CERS6: variants seen among roughly 807,000 people sequenced by gnomAD.
CERS6 encodes the protein LAG1 homolog, ceramide synthase 6.
Under a neutral mutation model 56.8 loss-of-function variants are expected in CERS6, and 26 were observed. The ratio of observed to expected loss-of-function variants is 0.46; its 90% CI spans 0.34 to 0.63. The LOEUF (loss-of-function observed/expected upper bound fraction) is 0.63, where lower values mean the gene tolerates loss of function less well. Among genes scored for constraint, CERS6 ranks in the 30% least tolerant of loss-of-function variants. CERS6 has a pLI of 0.01. For synonymous variants in CERS6, 164 were observed against 173.3 expected (o/e 0.95, Z 0.42); for missense variants, 415 against 467.5 (o/e 0.89, Z 1.04).
intron 3 of CERS6, among the ~76,000 whole-genome samples, chr2:168,624,664 C>A (rs1457493189): frequency 1.3e-5 from 2 of 152,130 alleles, no homozygotes; most frequent in Admixed American, 1.3e-4. Context: ...AAGATGACTA[C>A]TTCTATCAAA....
chr2:168,769,640 G>A lies in CERS6; in HGVS notation c.1133G>A (p.Gly378Asp). Residue 378 changes from glycine (G) to aspartate (D), a missense_variant, in exon 10 of 10, where the codon GGC (glycine) becomes GAC (aspartate). By Grantham distance (94) the Gly-to-Asp change is moderately conservative. Coordinates refer to ENST00000305747, the MANE Select transcript of CERS6 (RefSeq NM_203463.3). The stretch of plus-strand genomic sequence containing the variant: ...GGTACCAACGGGTATCTCCTGACTG[G>A]CTCCTGCTCCATGGATGATTAATTA... ...TSGTNGYLLT[G>D]SCSMDD 6.2e-7 allele frequency: 1 copy of A among 1,610,248 alleles called. No homozygotes were observed. The highest frequency in any genetic ancestry group is 8.5e-7 in the Non-Finnish European group (1 of 1,178,800).
chr2:168,548,343 A>T (rs141902105), intron 2 of CERS6, among the ~76,000 whole-genome samples: 2 of 152,100 alleles, frequency 1.3e-5, no homozygotes, highest in African/African-American at 2.4e-5. Flanking sequence ...GGTAGAAGAG[A>T]CCACGTCTCC....
chr2:168,624,675 C>T (rs1355582862), intron 3 of CERS6, among the ~76,000 whole-genome samples: 1 of 152,126 alleles, frequency 6.6e-6, no homozygotes, highest in African/African-American at 2.4e-5. Flanking sequence ...TTCTATCAAA[C>T]TTGAATCCAC....
intron 4 of CERS6, among the ~76,000 whole-genome samples, chr2:168,648,488 G>C (rs1685259299): frequency 1.3e-5 from 2 of 152,000 alleles, no homozygotes; most frequent in Admixed American, 1.3e-4. Flanking sequence ...TGGATTTGTT[G>C]ATCTTTTGAA....
intron 3 of CERS6, among the ~76,000 whole-genome samples, chr2:168,618,475 G>A (rs1390019744): frequency 6.6e-6 from 1 of 152,046 alleles, no homozygotes; most frequent in African/African-American, 2.4e-5. Flanking sequence ...TATATACCTG[G>A]AAAACCCTAA....
At chr2:168,650,803 C>T (rs1479876378) in intron 4 of CERS6, among the ~76,000 whole-genome samples, 1 of 152,090 alleles carries the variant, frequency 6.6e-6, no homozygotes, top group Non-Finnish European at 1.5e-5. Context: ...TTTGAATATG[C>T]ATTTTGTTTT....
Position 168,698,666 on chromosome 2 carries a change from C to A in CERS6, c.609+3615C>A, listed in dbSNP as rs1454149869. Among the ~76,000 whole-genome samples, 3 of 152,148 alleles carry A rather than the reference C, an allele frequency of 2.0e-5. No homozygotes were observed. The East Asian group carries it at 5.8e-4, about 29-fold the overall frequency. On this transcript the variant is annotated intron_variant, in intron 6 of 9. Transcript: ENST00000305747. The stretch of plus-strand genomic sequence containing the variant: ...GAGGGGACACAGATCCAAACCATAT[C>A]AATTGCTTTAAGCCAAATGACTGTT...
intron 3 of CERS6, among the ~76,000 whole-genome samples, chr2:168,570,967 A>G (rs1047689829): frequency 1.3e-5 from 2 of 152,112 alleles, no homozygotes; most frequent in Non-Finnish European, 2.9e-5. Context: ...CGCATTGGTA[A>G]AGTTATTTAA....
At chr2:168,610,633 A>T (rs932175099) in intron 3 of CERS6, among the ~76,000 whole-genome samples, 2 of 152,180 alleles carry the variant, frequency 1.3e-5, no homozygotes. Flanking sequence ...TGCTTCAGGA[A>T]AGCAGACTTT....
At chr2:168,534,444 G>C (rs541884403) in intron 1 of CERS6, among the ~76,000 whole-genome samples, 1 of 149,770 alleles carries the variant, frequency 6.7e-6, no homozygotes, top group East Asian at 2.0e-4. Flanking sequence ...TGTTGTCGTT[G>C]CTTTCTGTTT....
chr2:168,589,347 T>C (rs1326039751), intron 3 of CERS6, among the ~76,000 whole-genome samples: 5 of 152,202 alleles, frequency 3.3e-5, no homozygotes, highest in Non-Finnish European at 7.3e-5. Context: ...GGTCGTGCTA[T>C]CTCCATTTGA....
intron 8 of CERS6, among the ~76,000 whole-genome samples, chr2:168,736,519 C>T (rs545076843): frequency 6.6e-5 from 10 of 152,104 alleles, no homozygotes; most frequent in Non-Finnish European, 1.2e-4. Flanking sequence ...TTTGTAGCAA[C>T]AGGATCTCAC....
At chr2:168,741,993 G>A (rs775461510) in intron 8 of CERS6, among the ~76,000 whole-genome samples, 2 of 152,194 alleles carry the variant, frequency 1.3e-5, no homozygotes, top group Non-Finnish European at 2.9e-5. Context: ...TTCAGTCAGA[G>A]TATTCAGGGG....
intron 1 of CERS6, among the ~76,000 whole-genome samples, chr2:168,524,275 A>G (rs905940651): frequency 6.6e-6 from 1 of 152,198 alleles, no homozygotes; most frequent in Non-Finnish European, 1.5e-5. Flanking sequence ...AATGCTCATG[A>G]CTTACATTAG....
chr2:168,524,985 A>G (rs1243011669), intron 1 of CERS6, among the ~76,000 whole-genome samples: 1 of 151,900 alleles, frequency 6.6e-6, no homozygotes, highest in Admixed American at 6.6e-5. Context: ...CTATTTTTGG[A>G]TGTTGGAGGA....
intron 4 of CERS6, among the ~76,000 whole-genome samples, chr2:168,659,586 T>C (rs80165332): frequency 0.051 from 7,766 of 152,314 alleles, 529 homozygotes; most frequent in African/African-American, 0.15. Flanking sequence ...TTATTTCCCA[T>C]CTCTTCAATG....
intron 3 of CERS6, among the ~76,000 whole-genome samples, chr2:168,609,662 G>T (rs1263468225): frequency 6.6e-6 from 1 of 152,096 alleles, no homozygotes. Flanking sequence ...TCCCTGCTCT[G>T]TGTTACCCTA....
intron 1 of CERS6, among the ~76,000 whole-genome samples, chr2:168,508,393 T>A (rs1170917401): frequency 1.3e-5 from 2 of 152,196 alleles, no homozygotes; most frequent in East Asian, 1.9e-4. Flanking sequence ...CATATTCTCT[T>A]AAGTCAAGTT....
At chr2:168,747,845 A>ACG (rs1359150976) in intron 8 of CERS6, among the ~76,000 whole-genome samples, 1 of 150,962 alleles carries the variant, frequency 6.6e-6, no homozygotes, top group South Asian at 2.1e-4. Context: ...ATAAACACAC[A>ACG]CACACACACA....
Sources: gnomAD v4.1 joint callset for allele counts (sites outside exome capture counted in the v4.1 genomes callset) on GRCh38, gnomAD v4.1.1 for gene constraint, MANE v1.5 for transcripts, NCBI Gene and HGNC (gene_info 2026-07-23, HGNC 2026-07-21) for gene names.